The following SMC6 variants were observed in gnomAD, a reference collection of about 807,000 sequenced individuals.
The protein encoded by SMC6 is structural maintenance of chromosomes 6, also known as structural maintenance of chromosomes protein 6.
Under a neutral mutation model 142.2 loss-of-function variants are expected in SMC6, and 79 were observed. The ratio of observed to expected loss-of-function variants is 0.56; its 90% CI spans 0.46 to 0.67. SMC6 has a LOEUF of 0.67. Ranked by LOEUF, SMC6 falls within the 30% of genes least tolerant of loss-of-function variation. SMC6 has a pLI of 0.00. For synonymous variants in SMC6, 411 were observed against 412.4 expected (o/e 1.00, Z 0.04); for missense variants, 1,072 against 1,284.0 (o/e 0.83, Z 2.52).
In SMC6 at chr2:17,714,990, T is replaced by C. The variant is rs1040446623; in HGVS notation, c.1601A>G (p.Tyr534Cys). 1.9e-6 allele frequency: 3 copies of C among 1,614,002 alleles called. No homozygotes were observed. The highest frequency in any genetic ancestry group is 2.5e-6 in the Non-Finnish European group (3 of 1,179,958). Residue 534 changes from tyrosine (Y) to cysteine (C), a missense_variant, in exon 16 of 28, where the codon TAT becomes TGT. By Grantham distance (194) the Tyr-to-Cys change is radical. This residue lies in a region of SMC6 where 994 missense variants were observed against 1,153.2 expected (regional missense o/e 0.86). Transcript: ENST00000448223. The part of the protein sequence containing the change: ...ESCLKGLLQA[Y>C]CCHNHADERV... ...TTCATCAGCATGATTATGGCAACAATAGGCCTGCAGAAGCCCTTTTAAGCA... is the reference window on the plus strand; with the variant it reads ...TTCATCAGCATGATTATGGCAACAACAGGCCTGCAGAAGCCCTTTTAAGCA...
chr2:17,707,761 T>A (rs1668620376), intron 17 of SMC6, among the ~76,000 whole-genome samples: 1 of 152,072 alleles, frequency 6.6e-6, no homozygotes, highest in African/African-American at 2.4e-5. Flanking sequence ...CTAGAAAAGA[T>A]ATGAATGAAT....
At chr2:17,678,697 G>A (rs1233363517) in intron 25 of SMC6, among the ~76,000 whole-genome samples, 162 bp downstream of exon 25, 1 of 151,810 alleles carries the variant, frequency 6.6e-6, no homozygotes, top group South Asian at 2.1e-4. Flanking sequence ...GGTCGCTTGA[G>A]CCTATGAGTT....
At chr2:17,671,715 A>C (rs1394184054) in intron 25 of SMC6, among the ~76,000 whole-genome samples, 1 of 151,764 alleles carries the variant, frequency 6.6e-6, no homozygotes, top group Non-Finnish European at 1.5e-5. Flanking sequence ...TTAAAAGCTA[A>C]ATAAAATCTT....
chr2:17,751,131 A>C (rs1671008634), intron 2 of SMC6, among the ~76,000 whole-genome samples: 1 of 152,086 alleles, frequency 6.6e-6, no homozygotes, highest in Admixed American at 6.5e-5. Context: ...ATGCCATTAT[A>C]AGTTCATGGA....
intron 23 of SMC6, among the ~76,000 whole-genome samples, chr2:17,693,925 G>A (rs559955703): frequency 6.1e-5 from 9 of 148,428 alleles, no homozygotes; most frequent in Middle Eastern, 7.2e-3. Context: ...GCTTGAACCC[G>A]GGGGACAGAG....
intron 19 of SMC6, 41 bp from the exon 20 acceptor site, chr2:17,701,950 AT>A (rs199730715): frequency 3.7e-4 from 402 of 1,074,074 alleles, no homozygotes; most frequent in Non-Finnish European, 4.8e-4. Context: ...ATAAAAAAAA[AT>A]TTAAACCGAA....
chr2:17,745,255 G>T (rs1235788972), intron 3 of SMC6, among the ~76,000 whole-genome samples: 1 of 151,030 alleles, frequency 6.6e-6, no homozygotes, highest in Non-Finnish European at 1.5e-5. Flanking sequence ...TTTTGGAAAA[G>T]ACTGTGTAGA....
At chr2:17,740,870 A>C (rs1309846962) in intron 4 of SMC6, 4 of 251,888 alleles carry the variant, frequency 1.6e-5, no homozygotes, top group African/African-American at 7.1e-5. Flanking sequence ...AAAACAAAAA[A>C]ACAAAAAAAA....
At chr2:17,710,302 A>G (rs1002745739) in intron 16 of SMC6, among the ~76,000 whole-genome samples, 2 of 152,204 alleles carry the variant, frequency 1.3e-5, no homozygotes, top group Non-Finnish European at 2.9e-5. Flanking sequence ...GATGGAGAAG[A>G]TTACTGAAAG....
rs1222841121 is a variant in SMC6, at chr2:17,664,896, G to A, written c.*603C>T. On this transcript the variant is annotated 3_prime_UTR_variant, in exon 28 of 28. Coordinates refer to ENST00000448223, the MANE Select transcript of SMC6 (RefSeq NM_001142286.2). ...AATCAGGCAAGCATGATGGAGGTCA[G>A]AGTGAAAAACTGCGTCATTATCCAG... is the stretch of plus-strand genomic sequence containing the variant. 2 of 152,330 alleles carry A rather than the reference G, an allele frequency of 1.3e-5. No individual in the cohort carries two copies. The highest frequency in any genetic ancestry group is 1.9e-4 in the East Asian group (1 of 5,202). 9.4% of individuals were successfully genotyped at this position (152,330 alleles called of 1,614,324 possible).
At chr2:17,673,730 C>A (rs1445452837) in intron 25 of SMC6, among the ~76,000 whole-genome samples, 1 of 151,668 alleles carries the variant, frequency 6.6e-6, no homozygotes, top group Non-Finnish European at 1.5e-5. Flanking sequence ...CCACCATGCC[C>A]AGCTAATTTT....
chr2:17,700,529 C>T (rs1668218007), intron 20 of SMC6, 151 bp from the exon 21 acceptor site: 1 of 575,014 alleles, frequency 1.7e-6, no homozygotes, highest in South Asian at 3.9e-5. Context: ...TTTTTATACT[C>T]TTAATGGTAA....
intron 23 of SMC6, among the ~76,000 whole-genome samples, chr2:17,692,680 G>A (rs893694141): frequency 5.3e-5 from 8 of 152,124 alleles, no homozygotes; most frequent in Admixed American, 3.3e-4. Flanking sequence ...AAAAGCAATG[G>A]CAACAAAAGC....
intron 5 of SMC6, among the ~76,000 whole-genome samples, chr2:17,733,015 T>G (rs1430261519): frequency 2.6e-5 from 4 of 152,220 alleles, no homozygotes; most frequent in African/African-American, 9.6e-5. Context: ...TATAATTTTC[T>G]TACACATAAA....
At chr2:17,687,084 C>T (rs1667489348) in intron 23 of SMC6, among the ~76,000 whole-genome samples, 8 of 152,130 alleles carry the variant, frequency 5.3e-5, no homozygotes, top group Admixed American at 5.2e-4. Flanking sequence ...GAATACTCAA[C>T]CTGTACAATG....
intron 21 of SMC6, among the ~76,000 whole-genome samples, chr2:17,698,852 T>G (rs190394007): frequency 2.4e-3 from 364 of 152,234 alleles, no homozygotes; most frequent in African/African-American, 7.4e-3. Context: ...GTATAGCTTT[T>G]TTAGTAGCTG....
intron 26 of SMC6, among the ~76,000 whole-genome samples, chr2:17,668,695 G>A (rs1666616380): frequency 6.6e-6 from 1 of 152,126 alleles, no homozygotes; most frequent in Non-Finnish European, 1.5e-5. Flanking sequence ...TCTCATAAAA[G>A]TGGCATTTGA....
At chr2:17,713,619 C>T in intron 16 of SMC6, 1 of 435,106 alleles carries the variant, frequency 2.3e-6, no homozygotes, top group South Asian at 1.7e-5. Flanking sequence ...ACATTCCTCA[C>T]AACTGATGGC....
At chr2:17,736,549 T>C (rs1670161956) in intron 5 of SMC6, among the ~76,000 whole-genome samples, 1 of 151,984 alleles carries the variant, frequency 6.6e-6, no homozygotes, top group African/African-American at 2.4e-5. Flanking sequence ...ACTGGGTGAT[T>C]GTTTGGACAG....
Sources: gnomAD v4.1 joint callset for allele counts (sites outside exome capture counted in the v4.1 genomes callset) on GRCh38, gnomAD v4.1.1 for gene constraint, gnomAD v4.1.1 regional missense constraint, MANE v1.5 for transcripts, NCBI Gene and HGNC (gene_info 2026-07-23, HGNC 2026-07-21) for gene names.